THSD7B: variants seen among roughly 807,000 people sequenced by gnomAD.
THSD7B encodes thrombospondin type-1 domain-containing protein 7B.
A neutral mutation model predicts 213.6 loss-of-function variants in THSD7B; 138 were observed. The observed-to-expected ratio is 0.65, with a 90% CI of 0.56 to 0.74. The LOEUF is 0.74. Ranked by LOEUF, THSD7B falls within the 30% of genes least tolerant of loss-of-function variation. The pLI, the probability that THSD7B is intolerant of heterozygous loss-of-function variation, is 0.00. For missense variants in THSD7B, 1,931 were observed against 1,991.5 expected (o/e 0.97, Z 0.58); for synonymous variants, 742 against 687.0 (o/e 1.08, Z -1.25).
At chr2:137,131,084 G>A (rs1212034972) in intron 5 of THSD7B, among the ~76,000 whole-genome samples, 1 of 129,136 alleles carries the variant, frequency 7.7e-6, no homozygotes, top group Non-Finnish European at 1.7e-5. Flanking sequence ...ACTGATGTGA[G>A]ATGGTATCTC....
intron 12 of THSD7B, among the ~76,000 whole-genome samples, chr2:137,327,908 G>T (rs1050196658): frequency 3.9e-5 from 6 of 152,126 alleles, no homozygotes; most frequent in Admixed American, 3.9e-4. Context: ...TGAAAGGTAT[G>T]CTGACATTTC....
chr2:137,405,385 G>A (rs572936489), intron 12 of THSD7B, among the ~76,000 whole-genome samples: 20 of 151,980 alleles, frequency 1.3e-4, no homozygotes, highest in Admixed American at 1.1e-3. Context: ...TGCTGTCGAC[G>A]CAGGGTTTGG....
chr2:137,339,006 T>A (rs973609596), intron 12 of THSD7B, among the ~76,000 whole-genome samples: 1 of 152,108 alleles, frequency 6.6e-6, no homozygotes, highest in Non-Finnish European at 1.5e-5. Flanking sequence ...AGATACATGA[T>A]CACCACTCTC....
chr2:136,844,144 G>A (rs1682960754), intron 1 of THSD7B, among the ~76,000 whole-genome samples: 1 of 152,116 alleles, frequency 6.6e-6, no homozygotes, highest in Non-Finnish European at 1.5e-5. Flanking sequence ...TATTAGTCGG[G>A]ATCCAGTCAG....
chr2:137,588,627 ATT>A (rs893620591), intron 17 of THSD7B, among the ~76,000 whole-genome samples: 2 of 151,756 alleles, frequency 1.3e-5, no homozygotes, highest in Non-Finnish European at 2.9e-5. Flanking sequence ...GCACACATAG[ATT>A]TTTTTAGCTC....
intron 17 of THSD7B, among the ~76,000 whole-genome samples, chr2:137,598,287 A>G (rs983128125): frequency 1.3e-5 from 2 of 152,208 alleles, no homozygotes; most frequent in African/African-American, 4.8e-5. Context: ...CTTGAAATAT[A>G]TGTCACTGCT....
intron 4 of THSD7B, among the ~76,000 whole-genome samples, chr2:137,111,170 G>A (rs1432220): frequency 0.67 from 102,069 of 152,072 alleles, 35,483 homozygotes; most frequent in Non-Finnish European, 0.76. Context: ...ATATATTCTC[G>A]AACTGTACTT....
chr2:137,086,752 G>A (rs768189796), intron 3 of THSD7B, among the ~76,000 whole-genome samples: 5 of 152,160 alleles, frequency 3.3e-5, no homozygotes, highest in Non-Finnish European at 5.9e-5. Flanking sequence ...TAAAGCTCAT[G>A]GTAACCTGGA....
At chr2:136,790,123 G>T (rs1309694891) in intron 1 of THSD7B, among the ~76,000 whole-genome samples, 1 of 150,912 alleles carries the variant, frequency 6.6e-6, no homozygotes, top group African/African-American at 2.4e-5. Flanking sequence ...GTGTGTTTGT[G>T]TGTGTGTGTG....
chr2:136,999,783 T>C (rs1253054954), intron 2 of THSD7B, among the ~76,000 whole-genome samples: 2 of 152,116 alleles, frequency 1.3e-5, no homozygotes, highest in African/African-American at 4.8e-5. Flanking sequence ...AGCTGGAAAG[T>C]AATTTTAGTA....
At chr2:137,043,852 T>C (rs569181467) in intron 2 of THSD7B, among the ~76,000 whole-genome samples, 2 of 152,290 alleles carry the variant, frequency 1.3e-5, no homozygotes, top group Non-Finnish European at 2.9e-5. Flanking sequence ...TCTTCCACCA[T>C]CTTCTCTTAA....
chr2:136,882,164 T>C lies in THSD7B; in HGVS notation c.-15T>C. On this transcript the variant is annotated 5_prime_UTR_variant, in exon 2 of 28. Coordinates refer to ENST00000409968, the MANE Select transcript of THSD7B (RefSeq NM_001316349.2). ...TTTAGGAATAGGCAAGTCAAGAGGC[T>C]GAAAAATCTGAAGCATGTTTCCAAA... is the stretch of plus-strand genomic sequence containing the variant. 3 of 1,495,888 alleles carry C rather than the reference T, an allele frequency of 2.0e-6. No homozygotes were observed. Among genetic ancestry groups the C allele is most frequent in the Non-Finnish European group, 2.7e-6 (3 of 1,122,548 alleles). 92.7% of individuals were successfully genotyped at this position (1,495,888 alleles called of 1,614,324 possible).
At chr2:137,641,436 G>C (rs1172832857) in intron 20 of THSD7B, among the ~76,000 whole-genome samples, 1 of 152,174 alleles carries the variant, frequency 6.6e-6, no homozygotes, top group Non-Finnish European at 1.5e-5. Flanking sequence ...TGCTTCCACA[G>C]AACCCTGTTT....
chr2:137,308,841 A>G (rs1683820532), intron 12 of THSD7B, among the ~76,000 whole-genome samples: 1 of 152,106 alleles, frequency 6.6e-6, no homozygotes, highest in Non-Finnish European at 1.5e-5. Context: ...CCTTGCTAAC[A>G]CTTTGCAGAC....
intron 7 of THSD7B, among the ~76,000 whole-genome samples, chr2:137,210,261 C>T (rs914275864): frequency 1.3e-5 from 2 of 152,036 alleles, no homozygotes; most frequent in African/African-American, 4.8e-5. Context: ...ATCAAGCTTT[C>T]ACTTTTTGGC....
chr2:137,349,643 G>T (rs1684963720), intron 12 of THSD7B, among the ~76,000 whole-genome samples: 1 of 151,782 alleles, frequency 6.6e-6, no homozygotes, highest in Non-Finnish European at 1.5e-5. Flanking sequence ...TATTGCTATT[G>T]CTTGCTGTGT....
intron 16 of THSD7B, among the ~76,000 whole-genome samples, chr2:137,565,953 A>G (rs1681228742): frequency 6.6e-6 from 1 of 152,198 alleles, no homozygotes; most frequent in South Asian, 2.1e-4. Flanking sequence ...AGGTAGCCCT[A>G]GAAAACATAC....
rs575443135 is a variant in THSD7B, at chr2:136,956,571, C to T, written c.139+74254C>T. Among the ~76,000 whole-genome samples, 21 of 146,238 alleles carry T rather than the reference C, an allele frequency of 1.4e-4. No individual in the cohort carries two copies. In the East Asian group the frequency reaches 3.8e-3, roughly 26 times the overall value. On this transcript the variant is annotated intron_variant, in intron 2 of 27. Coordinates refer to ENST00000409968, the MANE Select transcript of THSD7B (RefSeq NM_001316349.2). ...CAGTGAGCCATGCTCATGCTACTGC[C>T]ACTCTGGGTGACAAAGTGAGACCCT...
At chr2:137,493,665 A>T (rs1361553730) in intron 15 of THSD7B, among the ~76,000 whole-genome samples, 1 of 152,250 alleles carries the variant, frequency 6.6e-6, no homozygotes. Context: ...GCCACTGCAG[A>T]TATAAGCCAA....
Sources: gnomAD v4.1 joint callset for allele counts (sites outside exome capture counted in the v4.1 genomes callset) on GRCh38, gnomAD v4.1.1 for gene constraint, MANE v1.5 for transcripts, NCBI Gene and HGNC (gene_info 2026-07-23, HGNC 2026-07-21) for gene names.